Variants in COL4A2 observed in about 807,000 individuals in gnomAD.
The protein encoded by COL4A2 is collagen type IV alpha 2 chain.
In COL4A2, 99 loss-of-function variants were observed where a neutral mutation model predicts 200.2. That is an observed-to-expected ratio of 0.49 (90% CI 0.42 to 0.58). The LOEUF (loss-of-function observed/expected upper bound fraction) is 0.58. Ranked by LOEUF, COL4A2 falls within the 20% of genes least tolerant of loss-of-function variation. COL4A2 has a pLI of 0.00. For missense variants in COL4A2, 1,950 were observed against 2,314.1 expected (o/e 0.84, Z 3.23); for synonymous variants, 897 against 900.6 (o/e 1.00, Z 0.07).
chr13:110,442,833 A>C (rs977790486), intron 16 of COL4A2, among the ~76,000 whole-genome samples: 9 of 150,060 alleles, frequency 6.0e-5, no homozygotes, highest in Admixed American at 5.9e-4. Flanking sequence ...ATAACTCCAC[A>C]GAGTTATTTT....
intron 37 of COL4A2, among the ~76,000 whole-genome samples, chr13:110,491,727 C>CTTTCTGTGTTTACTCAGCA (rs964865490): frequency 6.6e-6 from 1 of 152,172 alleles, no homozygotes; most frequent in African/African-American, 2.4e-5. Flanking sequence ...GCTGCTGCTG[C>CTTTCTGTGTTTACTCAGCA]TTTCTGTGTT....
At chr13:110,312,099 T>C (rs955860947) in intron 3 of COL4A2, among the ~76,000 whole-genome samples, 1 of 152,238 alleles carries the variant, frequency 6.6e-6, no homozygotes, top group African/African-American at 2.4e-5. Flanking sequence ...GAAGCGCTAT[T>C]GCTCAAAACA....
intron 30 of COL4A2, 31 bp from the exon 31 acceptor site, chr13:110,480,189 A>G: frequency 6.4e-7 from 1 of 1,563,404 alleles, no homozygotes; most frequent in Non-Finnish European, 8.6e-7. Context: ...GTGTTTGTCC[A>G]CCCTGTTTGA....
At chr13:110,359,832 G>C (rs1877440462) in intron 4 of COL4A2, among the ~76,000 whole-genome samples, 1 of 152,136 alleles carries the variant, frequency 6.6e-6, no homozygotes, top group Non-Finnish European at 1.5e-5. Context: ...AACTGAGGAG[G>C]CTTCCTGCCC....
chr13:110,385,921 G>GGCCATGGTCACAGCGTGTGGATA (rs1878715612), intron 4 of COL4A2, among the ~76,000 whole-genome samples: 1 of 29,062 alleles, frequency 3.4e-5, no homozygotes, highest in East Asian at 1.3e-3. Context: ...GCGTGTGGAT[G>GGCCATGGTCACAGCGTGTGGATA]GGCCGTGGTT....
chr13:110,388,126 T>C (rs1878836898), intron 4 of COL4A2, among the ~76,000 whole-genome samples: 1 of 152,218 alleles, frequency 6.6e-6, no homozygotes, highest in African/African-American at 2.4e-5. Flanking sequence ...CAGGGGCCTA[T>C]GTAAGCTTCA....
chr13:110,357,940 G>T (rs545000728), intron 4 of COL4A2, among the ~76,000 whole-genome samples: 1 of 152,338 alleles, frequency 6.6e-6, no homozygotes, highest in East Asian at 1.9e-4. Context: ...GGATGTGAAG[G>T]CCTGGGGCGT....
chr13:110,370,654 T>C (rs904346537), intron 4 of COL4A2, among the ~76,000 whole-genome samples: 1 of 152,226 alleles, frequency 6.6e-6, no homozygotes, highest in South Asian at 2.1e-4. Flanking sequence ...TTCAGGATTT[T>C]GTTTTGATTC....
At chr13:110,399,919 G>A (rs921217999) in intron 4 of COL4A2, among the ~76,000 whole-genome samples, 1 of 152,116 alleles carries the variant, frequency 6.6e-6, no homozygotes, top group Non-Finnish European at 1.5e-5. Context: ...TAAGATGCTC[G>A]ATTAAAATTC....
chr13:110,468,678 G>A (rs1308242418), intron 27 of COL4A2, among the ~76,000 whole-genome samples: 1 of 152,214 alleles, frequency 6.6e-6, no homozygotes, highest in Admixed American at 6.5e-5. Flanking sequence ...TTCCCAAGAG[G>A]CGCCAGGAAC....
At chr13:110,496,934 G>A (rs550972375) in intron 40 of COL4A2, among the ~76,000 whole-genome samples, 9 of 143,790 alleles carry the variant, frequency 6.3e-5, no homozygotes, top group Admixed American at 1.4e-4. Context: ...AGCCTCAGTC[G>A]GGGTGAAGAT....
intron 6 of COL4A2, among the ~76,000 whole-genome samples, chr13:110,425,402 A>G (rs909725522): frequency 6.6e-6 from 1 of 152,252 alleles, no homozygotes; most frequent in Non-Finnish European, 1.5e-5. Flanking sequence ...CAAGTTCTTT[A>G]CAGCAACCTC....
intron 3 of COL4A2, among the ~76,000 whole-genome samples, chr13:110,323,170 A>G (rs1885319480): frequency 6.6e-6 from 1 of 152,174 alleles, no homozygotes; most frequent in Non-Finnish European, 1.5e-5. Context: ...GGAAGTCCAT[A>G]CCACAGGGGT....
intron 39 of COL4A2, 142 bp from the exon 40 acceptor site, chr13:110,495,200 A>T: frequency 1.1e-6 from 1 of 918,700 alleles, no homozygotes. Context: ...CCTGGAGGCC[A>T]TATATTGCAA....
intron 3 of COL4A2, among the ~76,000 whole-genome samples, chr13:110,338,473 C>A (rs1594155664): frequency 6.6e-6 from 1 of 151,990 alleles, no homozygotes; most frequent in African/African-American, 2.4e-5. Context: ...CTGAAGAGCA[C>A]TGAGGCTCTA....
chr13:110,496,197 C>T (rs1348268159), intron 40 of COL4A2, among the ~76,000 whole-genome samples: 1 of 152,216 alleles, frequency 6.6e-6, no homozygotes, highest in African/African-American at 2.4e-5. Context: ...CCACAAAGGC[C>T]TGAGTTTTTC....
intron 3 of COL4A2, among the ~76,000 whole-genome samples, chr13:110,318,933 A>T (rs902262232): frequency 1.3e-5 from 2 of 152,074 alleles, no homozygotes; most frequent in Admixed American, 1.3e-4. Context: ...CATTATGGGC[A>T]GGTTGGGGGT....
At chr13:110,359,475 G>A (rs564607965) in intron 4 of COL4A2, among the ~76,000 whole-genome samples, 122 of 152,222 alleles carry the variant, frequency 8.0e-4, no homozygotes, top group African/African-American at 2.8e-3. Flanking sequence ...CTACACCTTC[G>A]TTTGGCAAAT....
chr13:110,490,883 C>T (rs1321304683), intron 36 of COL4A2, among the ~76,000 whole-genome samples: 5 of 152,194 alleles, frequency 3.3e-5, no homozygotes, highest in Non-Finnish European at 7.3e-5. Flanking sequence ...CCCAGAAAGG[C>T]TTTGGAGTGG....
Sources: gnomAD v4.1 joint callset for allele counts (sites outside exome capture counted in the v4.1 genomes callset) on GRCh38, gnomAD v4.1.1 for gene constraint, MANE v1.5 for transcripts, NCBI Gene and HGNC (gene_info 2026-07-23, HGNC 2026-07-21) for gene names.